The following SYT9 variants were observed in gnomAD, a reference collection of about 807,000 sequenced individuals.
SYT9 encodes synaptotagmin 9, also known as synaptotagmin-9.
Under a neutral mutation model 48.4 loss-of-function variants are expected in SYT9, and 22 were observed. The observed-to-expected ratio is 0.45, with a 90% CI of 0.32 to 0.65. SYT9 has a LOEUF of 0.65. Among genes scored for constraint, SYT9 ranks in the 30% least tolerant of loss-of-function variants. SYT9 has a pLI of 0.03. For missense variants in SYT9, 577 were observed against 622.0 expected (o/e 0.93, Z 0.77); for synonymous variants, 265 against 245.0 (o/e 1.08, Z -0.76).
chr11:7,412,962 A>C (rs1847167017), intron 3 of SYT9, among the ~76,000 whole-genome samples: 1 of 152,216 alleles, frequency 6.6e-6, no homozygotes, highest in African/African-American at 2.4e-5. Flanking sequence ...GGCATGCTCA[A>C]GTACTGAGAA....
chr11:7,395,687 C>T (rs763412188), intron 3 of SYT9, among the ~76,000 whole-genome samples: 1 of 151,986 alleles, frequency 6.6e-6, no homozygotes, highest in Non-Finnish European at 1.5e-5. Context: ...TTCCTGTTTG[C>T]GTAATAGATT....
chr11:7,372,669 C>A (rs1022011763), intron 3 of SYT9, among the ~76,000 whole-genome samples: 10 of 151,970 alleles, frequency 6.6e-5, no homozygotes, highest in South Asian at 2.1e-4. Context: ...TGTAGGAATT[C>A]TTTATTTTTA....
chr11:7,248,248 G>GTGAAGATGTATAGATTT (rs1300584408), upstream of SYT9, among the ~76,000 whole-genome samples: 1 of 151,298 alleles, frequency 6.6e-6, no homozygotes, highest in Non-Finnish European at 1.5e-5. Flanking sequence ...TGTATAGATT[G>GTGAAGATGTATAGATTT]TGAAGATTTT....
intron 3 of SYT9, among the ~76,000 whole-genome samples, chr11:7,410,297 G>A (rs1002277609): frequency 1.3e-5 from 2 of 152,194 alleles, no homozygotes; most frequent in East Asian, 3.8e-4. Context: ...CTGCTTAGAA[G>A]AATGTATATT....
intron 3 of SYT9, among the ~76,000 whole-genome samples, chr11:7,363,005 A>G (rs373058885): frequency 2.5e-5 from 1 of 39,798 alleles, no homozygotes; most frequent in Non-Finnish European, 4.6e-5. Flanking sequence ...TTCATCAGTT[A>G]TGTCAGGAAC....
chr11:7,333,809 C>T (rs1849585785), intron 3 of SYT9, among the ~76,000 whole-genome samples: 1 of 152,178 alleles, frequency 6.6e-6, no homozygotes, highest in Admixed American at 6.5e-5. Flanking sequence ...TTTGAATACT[C>T]ACTGTCTGCC....
chr11:7,364,078 A>G (rs1347919676), intron 3 of SYT9, among the ~76,000 whole-genome samples: 1 of 152,208 alleles, frequency 6.6e-6, no homozygotes, highest in African/African-American at 2.4e-5. Flanking sequence ...GTGGGAAAGA[A>G]AAGACTGAAG....
At chr11:7,432,470 G>C (rs544218310) in intron 6 of SYT9, among the ~76,000 whole-genome samples, 13 of 145,760 alleles carry the variant, frequency 8.9e-5, no homozygotes, top group African/African-American at 2.8e-4. Context: ...TAGCTTGAAC[G>C]TGGGAGGCAG....
chr11:7,349,188 G>A (rs1297898114), intron 3 of SYT9, among the ~76,000 whole-genome samples: 1 of 148,216 alleles, frequency 6.7e-6, no homozygotes, highest in Non-Finnish European at 1.5e-5. Context: ...GAGCATTGCC[G>A]GGGACTGGGG....
chr11:7,445,623 G>A (rs1018934186), intron 6 of SYT9, among the ~76,000 whole-genome samples: 53 of 152,246 alleles, frequency 3.5e-4, no homozygotes, highest in African/African-American at 1.1e-3. Flanking sequence ...GCTGGCTGAC[G>A]GTGGGATATA....
At chr11:7,241,790 A>T (rs1847743057) in intron 1 of SYT9, among the ~76,000 whole-genome samples, 1 of 152,108 alleles carries the variant, frequency 6.6e-6, no homozygotes, top group African/African-American at 2.4e-5. Flanking sequence ...GTCCAGGGGG[A>T]TCGTAAGAGT....
intron 3 of SYT9, among the ~76,000 whole-genome samples, chr11:7,372,007 A>T (rs67936729): frequency 6.6e-6 from 1 of 151,952 alleles, no homozygotes. Context: ...TTATGTTTCT[A>T]TTTCTCTTGG....
At chr11:7,372,900 A>G (rs1165490473) in intron 3 of SYT9, among the ~76,000 whole-genome samples, 1 of 152,134 alleles carries the variant, frequency 6.6e-6, no homozygotes, top group African/African-American at 2.4e-5. Flanking sequence ...TCCTGAATAT[A>G]ATGATAATGT....
intron 3 of SYT9, among the ~76,000 whole-genome samples, chr11:7,415,410 G>A (rs1328709549): frequency 6.6e-6 from 1 of 152,146 alleles, no homozygotes; most frequent in East Asian, 1.9e-4. Context: ...TGTGTGCTGA[G>A]CTCTGTGGCA....
intron 3 of SYT9, among the ~76,000 whole-genome samples, chr11:7,406,596 C>T (rs943543571): frequency 2.0e-5 from 3 of 148,018 alleles, no homozygotes; most frequent in African/African-American, 7.5e-5. Flanking sequence ...ATTTGTCCGT[C>T]GATGGACACT....
intron 6 of SYT9, among the ~76,000 whole-genome samples, chr11:7,430,560 T>G (rs2134117696): frequency 6.6e-6 from 1 of 152,320 alleles, no homozygotes; most frequent in South Asian, 2.1e-4. Flanking sequence ...TAAAACCAAT[T>G]AATATGGTTT....
At chr11:7,455,431 T>C (rs1848133284) in intron 6 of SYT9, among the ~76,000 whole-genome samples, 1 of 151,122 alleles carries the variant, frequency 6.6e-6, no homozygotes, top group Non-Finnish European at 1.5e-5. Flanking sequence ...CCTCCTGGGC[T>C]CAAGCGATTC....
chr11:7,363,832 A>G (rs1850191322), intron 3 of SYT9, among the ~76,000 whole-genome samples: 1 of 152,166 alleles, frequency 6.6e-6, no homozygotes, highest in Non-Finnish European at 1.5e-5. Context: ...ACATAGGGGC[A>G]CATTGGTGAC....
At chr11:7,445,573 C>T (rs35707471) in intron 6 of SYT9, among the ~76,000 whole-genome samples, 2 of 152,234 alleles carry the variant, frequency 1.3e-5, no homozygotes, top group Non-Finnish European at 1.5e-5. Context: ...TCTCCTCCTA[C>T]ACTTCCAACC....
Sources: allele counts gnomAD v4.1 joint callset (sites outside exome capture counted in the v4.1 genomes callset), GRCh38; gene constraint gnomAD v4.1.1; transcripts MANE v1.5; gene names NCBI Gene and HGNC (gene_info 2026-07-23, HGNC 2026-07-21).